The following PTGR1 variants were observed in gnomAD, a reference collection of about 807,000 sequenced individuals.
PTGR1 encodes prostaglandin reductase 1.
A neutral mutation model predicts 37.7 loss-of-function variants in PTGR1; 23 were observed. The observed-to-expected ratio is 0.61, with a 90% CI of 0.44 to 0.86. The LOEUF is 0.86. Among genes scored for constraint, PTGR1 ranks in the 40% least tolerant of loss-of-function variants. The pLI is 0.00. For missense variants in PTGR1, 351 were observed against 394.3 expected (o/e 0.89, Z 0.93); for synonymous variants, 134 against 140.0 (o/e 0.96, Z 0.30).
intron 8 of PTGR1, 57 bp downstream of exon 8, chr9:111,574,677 G>C (rs1195008362): frequency 3.2e-5 from 39 of 1,228,286 alleles, no homozygotes; most frequent in Non-Finnish European, 4.1e-5. Context: ...GCATATCTGT[G>C]AATTTTCTCC....
chr9:111,554,384 G>C (rs1056866359), intron 9 of PTGR1, among the ~76,000 whole-genome samples: 2 of 152,190 alleles, frequency 1.3e-5, no homozygotes, highest in African/African-American at 4.8e-5. Flanking sequence ...TTGAAATACA[G>C]CTTTCCCCTC....
At chr9:111,598,290 C>G (rs1056892194) in intron 1 of PTGR1, among the ~76,000 whole-genome samples, 3 of 152,188 alleles carry the variant, frequency 2.0e-5, no homozygotes, top group Non-Finnish European at 4.4e-5. Context: ...TGCCGAATCA[C>G]TTGGGACCTG....
intron 9 of PTGR1, among the ~76,000 whole-genome samples, chr9:111,556,454 G>A (rs538963189): frequency 2.9e-4 from 44 of 152,358 alleles, no homozygotes; most frequent in African/African-American, 9.4e-4. Flanking sequence ...CTGCACTGCC[G>A]TAGTAGAGGT....
intron 9 of PTGR1, among the ~76,000 whole-genome samples, chr9:111,551,400 G>GTTTTTTTTTTTT (rs58638722): frequency 1.3e-5 from 1 of 74,436 alleles, no homozygotes; most frequent in Non-Finnish European, 2.5e-5. Flanking sequence ...TCCAGTTTTT[G>GTTTTTTTTTTTT]TTTTTTTTTT....
chr9:111,560,636 CA>C (rs1015199330), downstream of PTGR1, among the ~76,000 whole-genome samples: 1,481 of 26,280 alleles, frequency 0.056, 2 homozygotes, highest in Middle Eastern at 0.1. Context: ...GACACCATCT[CA>C]AAAAAAAAAA....
intron 9 of PTGR1, among the ~76,000 whole-genome samples, chr9:111,566,868 G>T (rs974890087): frequency 8.6e-5 from 13 of 152,044 alleles, no homozygotes; most frequent in African/African-American, 2.9e-4. Flanking sequence ...ATGATTAATT[G>T]CTATGGATAA....
At chr9:111,598,376 T>C (rs1000538057) in intron 1 of PTGR1, among the ~76,000 whole-genome samples, 8 of 151,976 alleles carry the variant, frequency 5.3e-5, no homozygotes, top group African/African-American at 1.9e-4. Context: ...TCTCCCCAGC[T>C]CCCCTACCGG....
At chr9:111,598,755 A>G (rs550836366) in intron 1 of PTGR1, among the ~76,000 whole-genome samples, 15 of 152,222 alleles carry the variant, frequency 9.9e-5, no homozygotes, top group Middle Eastern at 3.4e-3. Flanking sequence ...TCGACCTTCC[A>G]TAGTGCTGGG....
chr9:111,555,116 T>G (rs1482737357), intron 9 of PTGR1, among the ~76,000 whole-genome samples: 1 of 152,150 alleles, frequency 6.6e-6, no homozygotes, highest in Admixed American at 6.5e-5. Context: ...TCCCCTTTTA[T>G]TCAGACTTCC....
At chr9:111,594,832 G>A (rs1018744085) in intron 2 of PTGR1, among the ~76,000 whole-genome samples, 1 of 147,792 alleles carries the variant, frequency 6.8e-6, no homozygotes, top group African/African-American at 2.5e-5. Context: ...TTACAAGCGT[G>A]AGCCACTGCG....
intron 9 of PTGR1, among the ~76,000 whole-genome samples, chr9:111,568,067 G>A (rs55733602): frequency 0.2 from 30,587 of 152,022 alleles, 3,964 homozygotes; most frequent in East Asian, 0.39. Flanking sequence ...TATGAAATCA[G>A]TGCATCTTGA....
intron 9 of PTGR1, among the ~76,000 whole-genome samples, chr9:111,551,203 T>G (rs1827932189): frequency 6.6e-6 from 1 of 152,168 alleles, no homozygotes; most frequent in Admixed American, 6.6e-5. Context: ...AGACATTTTG[T>G]TTTTTGCACT....
intron 2 of PTGR1, among the ~76,000 whole-genome samples, chr9:111,595,459 TGA>T (rs1293586173): frequency 6.6e-6 from 1 of 152,174 alleles, no homozygotes; most frequent in Non-Finnish European, 1.5e-5. Context: ...CCAGTTGGTG[TGA>T]GAGAACATGC....
chr9:111,560,272 AG>A (rs1828234707), downstream of PTGR1, among the ~76,000 whole-genome samples: 2 of 151,716 alleles, frequency 1.3e-5, no homozygotes, highest in Non-Finnish European at 2.9e-5. Flanking sequence ...CGAGGTCAGG[AG>A]ATCGAGACCA....
chr9:111,599,440 C>G (rs925629067), intron 1 of PTGR1, 163 bp downstream of exon 1: 1 of 152,356 alleles, frequency 6.6e-6, no homozygotes, highest in African/African-American at 2.4e-5. Flanking sequence ...ACGTCGGCTC[C>G]CAAGATCCTC....
chr9:111,595,935 G>C (rs1344549167), intron 2 of PTGR1, among the ~76,000 whole-genome samples: 2 of 152,036 alleles, frequency 1.3e-5, no homozygotes, highest in African/African-American at 4.8e-5. Context: ...ACCCAGCCGA[G>C]ACTCATCTTA....
chr9:111,583,077 A>C (rs1397412995), intron 6 of PTGR1, among the ~76,000 whole-genome samples: 1 of 152,238 alleles, frequency 6.6e-6, no homozygotes, highest in Non-Finnish European at 1.5e-5. Flanking sequence ...ATTTCCTTCT[A>C]GTACAACAGC....
intron 9 of PTGR1, among the ~76,000 whole-genome samples, chr9:111,554,211 G>A (rs1255329199): frequency 1.3e-5 from 2 of 152,174 alleles, no homozygotes; most frequent in Non-Finnish European, 2.9e-5. Flanking sequence ...GGAATTGATA[G>A]TTAATGGGTT....
chr9:111,584,821 A>G (rs1829385006), intron 5 of PTGR1, among the ~76,000 whole-genome samples: 1 of 152,222 alleles, frequency 6.6e-6, no homozygotes, highest in South Asian at 2.1e-4. Flanking sequence ...AAGAAAAAAG[A>G]AATCCTGAGT....
Sources: allele counts gnomAD v4.1 joint callset (sites outside exome capture counted in the v4.1 genomes callset), GRCh38; gene constraint gnomAD v4.1.1; transcripts MANE v1.5; gene names NCBI Gene and HGNC (gene_info 2026-07-23, HGNC 2026-07-21).